The following PCDHGA4 variants were observed in gnomAD, a reference collection of about 807,000 sequenced individuals.
The protein encoded by PCDHGA4 is protocadherin gamma subfamily A, 4.
A neutral mutation model predicts 54.6 loss-of-function variants in PCDHGA4; 38 were observed. The observed-to-expected ratio is 0.70, with a 90% confidence interval of 0.54 to 0.91. PCDHGA4 has a LOEUF of 0.91. Ranked by LOEUF, PCDHGA4 falls within the 40% of genes least tolerant of loss-of-function variation. PCDHGA4 has a pLI of 0.00. For synonymous variants in PCDHGA4, 511 were observed against 512.9 expected (o/e 1.00, Z 0.05); for missense variants, 1,298 against 1,220.9 (o/e 1.06, Z -0.94).
chr5:141,409,200 T>C, intron 1 of PCDHGA4: 2 of 1,614,020 alleles, frequency 1.2e-6, no homozygotes, highest in Non-Finnish European at 1.7e-6. Flanking sequence ...CAGTGTAAAG[T>C]AATCATAGAA....
At chr5:141,405,169 CTT>C (rs1561698717) in intron 1 of PCDHGA4, 2 of 1,614,122 alleles carry the variant, frequency 1.2e-6, no homozygotes, top group Non-Finnish European at 1.7e-6. Flanking sequence ...CCACCTCACA[CTT>C]TGTGGGTGTA....
intron 1 of PCDHGA4, among the ~76,000 whole-genome samples, chr5:141,400,896 A>G (rs193291751): frequency 2.6e-5 from 4 of 152,214 alleles, no homozygotes; most frequent in Admixed American, 2.6e-4. Context: ...TAATCATTTA[A>G]TTCATCTTTT....
In PCDHGA4 at chr5:141,384,156, C is replaced by A. The variant is rs760709557; in HGVS notation, c.2514+26535C>A. The A allele has an allele frequency of 1.9e-6, 3 of 1,613,342 alleles. No individual in the cohort carries two copies. In the African/African-American group the frequency reaches 4.0e-5, roughly 22 times the overall value. On this transcript the variant is annotated intron_variant, in intron 1 of 3. Transcript: ENST00000571252. ...ACCGGGAAACACTCTCTTTGTATAACATCACACTGAAAGCCACAGATGGTG... is the reference window on the plus strand; with the variant it reads ...ACCGGGAAACACTCTCTTTGTATAAAATCACACTGAAAGCCACAGATGGTG...
chr5:141,481,151 G>A (rs1326614212), intron 1 of PCDHGA4, among the ~76,000 whole-genome samples: 1 of 152,198 alleles, frequency 6.6e-6, no homozygotes, highest in African/African-American at 2.4e-5. Context: ...TGTTATTCTG[G>A]TATTTGCAGA....
chr5:141,407,618 T>C (rs2094961239), intron 1 of PCDHGA4, among the ~76,000 whole-genome samples: 1 of 152,204 alleles, frequency 6.6e-6, no homozygotes, highest in South Asian at 2.1e-4. Context: ...TTGGTTGACA[T>C]TCTATATCTC....
At chr5:141,366,024 C>A in intron 1 of PCDHGA4, 1 of 1,614,260 alleles carries the variant, frequency 6.2e-7, no homozygotes, top group Non-Finnish European at 8.5e-7. Context: ...ATCCTGTACC[C>A]CGCCCTCCCC....
At chr5:141,435,719 C>T (rs890713374) in intron 1 of PCDHGA4, among the ~76,000 whole-genome samples, 6 of 152,156 alleles carry the variant, frequency 3.9e-5, no homozygotes, top group Admixed American at 3.3e-4. Context: ...ACACTGAATG[C>T]TAAAGTGTAT....
At chr5:141,461,251 A>G (rs925406409) in intron 1 of PCDHGA4, among the ~76,000 whole-genome samples, 1 of 152,156 alleles carries the variant, frequency 6.6e-6, no homozygotes, top group Non-Finnish European at 1.5e-5. Flanking sequence ...TTATATTCCC[A>G]GCAGCAATGT....
At chr5:141,372,656 G>A in intron 1 of PCDHGA4, 1 of 1,613,956 alleles carries the variant, frequency 6.2e-7, no homozygotes, top group Non-Finnish European at 8.5e-7. Flanking sequence ...CCTACAATCC[G>A]TGTGCTGCCT....
intron 1 of PCDHGA4, chr5:141,419,411 C>A (rs757881409): frequency 1.9e-6 from 3 of 1,613,462 alleles, no homozygotes; most frequent in Non-Finnish European, 2.5e-6. Context: ...GTTCGCGCAG[C>A]GCGCCTTCGA....
intron 1 of PCDHGA4, chr5:141,378,592 C>T (rs1309988973): frequency 6.6e-6 from 1 of 152,104 alleles, no homozygotes; most frequent in Non-Finnish European, 1.5e-5. Flanking sequence ...GTAGTGTCTG[C>T]TTACAGGACA....
intron 1 of PCDHGA4, chr5:141,428,270 C>T (rs1353416356): frequency 1.3e-6 from 1 of 778,952 alleles, no homozygotes. Flanking sequence ...AGTCCTGTGC[C>T]CTCTGATTCC....
chr5:141,511,342 C>T lies in PCDHGA4; in HGVS notation c.*169C>T. On this transcript the variant is annotated 3_prime_UTR_variant, in exon 4 of 4. Transcript: ENST00000571252. The stretch of plus-strand genomic sequence containing the variant: ...AACAAGTGCCCAGTCAGCACCTACC[C>T]CTTCCCCCCCAGGGGGTTGAATATG... The T allele has an allele frequency of 7.0e-7, 1 of 1,425,078 alleles. No individual in the cohort carries two copies. Among genetic ancestry groups the T allele is most frequent in the East Asian group, 2.5e-5 (1 of 40,014 alleles). 88.3% of individuals were successfully genotyped at this position (1,425,078 alleles called of 1,614,324 possible). A position where few individuals can be genotyped will look rare whatever the true frequency, so the allele number is the denominator to read the frequency against.
At chr5:141,417,256 C>G (rs985322130) in intron 1 of PCDHGA4, 1 of 152,096 alleles carries the variant, frequency 6.6e-6, no homozygotes, top group Non-Finnish European at 1.5e-5. Flanking sequence ...CTTCCAGCTT[C>G]ATAGATAATT....
intron 1 of PCDHGA4, chr5:141,403,315 A>G (rs1268267002): frequency 6.2e-7 from 1 of 1,613,974 alleles, no homozygotes; most frequent in Non-Finnish European, 8.5e-7. Flanking sequence ...GAATAGAAAT[A>G]GAAGTAACTG....
At chr5:141,376,678 T>C in intron 1 of PCDHGA4, 2 of 277,706 alleles carry the variant, frequency 7.2e-6, no homozygotes, top group East Asian at 7.3e-5. Flanking sequence ...AGGGTATCGT[T>C]TTTTTTTTTT....
intron 1 of PCDHGA4, among the ~76,000 whole-genome samples, chr5:141,449,422 C>A (rs1041930577): frequency 4.0e-5 from 6 of 151,724 alleles, no homozygotes; most frequent in Non-Finnish European, 7.4e-5. Flanking sequence ...GCCTGGCCAA[C>A]ATGATAAAAC....
intron 1 of PCDHGA4, chr5:141,479,247 C>A (rs1428944159): frequency 6.6e-6 from 1 of 152,084 alleles, no homozygotes; most frequent in Non-Finnish European, 1.5e-5. Flanking sequence ...CAAAGATAAC[C>A]ATTTTTAATT....
chr5:141,432,797 T>C lies in PCDHGA4; in HGVS notation c.2515-62010T>C, dbSNP rs1591218426. On this transcript the variant is annotated intron_variant, in intron 1 of 3. Coordinates refer to ENST00000571252, the MANE Select transcript of PCDHGA4 (RefSeq NM_018917.4). The surrounding 1 kb of genome is among the most constrained non-coding windows in gnomAD (Gnocchi z 6.0). The stretch of plus-strand genomic sequence containing the variant: ...CCTGGCGGACCTCGGCAGCCTCGAG[T>C]CTCCAGCTAACTCTGAAACCTCAGA... 2.5e-6 allele frequency: 4 copies of C among 1,613,752 alleles called. No individual in the cohort carries two copies. The highest frequency in any genetic ancestry group is 2.7e-5 in the African/African-American group (2 of 74,816).
Sources: allele counts gnomAD v4.1 joint callset (sites outside exome capture counted in the v4.1 genomes callset), GRCh38; gene constraint gnomAD v4.1.1; non-coding constraint Gnocchi (gnomAD v3.1); transcripts MANE v1.5; gene names NCBI Gene and HGNC (gene_info 2026-07-23, HGNC 2026-07-21).